PRKX: variants seen among roughly 807,000 people sequenced by gnomAD.
The protein encoded by PRKX is cAMP-dependent protein kinase catalytic subunit PRKX.
Under a neutral mutation model 22.0 loss-of-function variants are expected in PRKX, and 12 were observed. That is an observed-to-expected ratio of 0.54 (90% CI 0.35 to 0.88). PRKX has a LOEUF of 0.88. Ranked by LOEUF, PRKX falls within the 40% of genes least tolerant of loss-of-function variation. The probability of loss-of-function intolerance (pLI) is 0.01; values close to 1 mark genes in which losing one functional copy is unlikely to be tolerated. For missense variants in PRKX, 217 were observed against 308.0 expected, an observed-to-expected ratio of 0.70 and a Z score of 2.21; for synonymous variants, 134 against 137.7, an observed-to-expected ratio of 0.97 and a Z score of 0.19.
chrX:3,656,936 G>A lies in PRKX; in HGVS notation c.336-1524C>T, dbSNP rs182607162. On this transcript the variant is annotated intron_variant, in intron 2 of 8. Transcript: ENST00000262848. ...CATTCCTGAGGGAAGGGCCCTTCTC[G>A]CTGTCCTCCCATGGACCAAGGGGAA... Among the ~76,000 whole-genome samples, 535 of 111,740 alleles carry A rather than the reference G, an allele frequency of 4.8e-3. 5 individuals are homozygous for A. Among genetic ancestry groups the A allele is most frequent in the African/African-American group, 0.014 (446 of 30,765 alleles).
At chrX:3,617,231 TATA>T (rs1417016403) in intron 6 of PRKX, among the ~76,000 whole-genome samples, 2 of 84,649 alleles carry the variant, frequency 2.4e-5, no homozygotes, top group African/African-American at 7.8e-5. Flanking sequence ...ACACATGTAT[TATA>T]TATATATATA....
In PRKX at chrX:3,615,868, G is replaced by A; in HGVS notation, c.898C>T (p.His300Tyr). 8.3e-7 allele frequency: 1 copy of A among 1,208,292 alleles called. No individual in the cohort carries two copies. The highest frequency in any genetic ancestry group is 1.8e-5 in the South Asian group (1 of 56,111). Reference sequence around the variant, plus strand: ...CAGTCCACGGAGCGGAACCACCGATGATGCTTCACATCATTCGCCCCGTTC... The same window carrying A: ...CAGTCCACGGAGCGGAACCACCGATAATGCTTCACATCATTCGCCCCGTTC... ...MKNGANDVKH[H>Y]RWFRSVDWEA... Residue 300 changes from histidine to tyrosine, a missense_variant, in exon 7 of 9, where the codon CAT becomes TAT. By Grantham distance (83) the His-to-Tyr change is moderately conservative. Coordinates refer to ENST00000262848, the MANE Select transcript of PRKX (RefSeq NM_005044.5).
intron 4 of PRKX, among the ~76,000 whole-genome samples, chrX:3,628,611 G>A (rs1347636287): frequency 9.0e-6 from 1 of 111,562 alleles, no homozygotes; most frequent in African/African-American, 3.3e-5. Context: ...TGGTGCATAT[G>A]TGTGGTCCCA....
intron 1 of PRKX, among the ~76,000 whole-genome samples, chrX:3,689,348 T>C (rs6641609): frequency 0.13 from 14,857 of 111,917 alleles, 862 homozygotes; most frequent in East Asian, 0.39. Context: ...GACCTTCTAT[T>C]TTATAGACAG....
At chrX:3,691,550 C>T (rs1424927739) in intron 1 of PRKX, among the ~76,000 whole-genome samples, 1 of 109,658 alleles carries the variant, frequency 9.1e-6, no homozygotes, top group Non-Finnish European at 1.9e-5. Flanking sequence ...GCAGGACTCC[C>T]CCGAATTACC....
At position 3,682,058 on chromosome X, in the gene PRKX, G is replaced by C. The variant is rs1032946315; in HGVS notation, c.167-7292C>G. Among the ~76,000 whole-genome samples the C allele has an allele frequency of 3.9e-4, 43 of 111,496 alleles. 1 individual carries two copies. Among genetic ancestry groups the C allele is most frequent in the Admixed American group, 7.7e-4 (8 of 10,446 alleles). Reference sequence around the variant, plus strand: ...GGGACCGTGACATGGAATTTCACGCGGTCACAAAACGGAAAAGAAACCAAC... The same window carrying C: ...GGGACCGTGACATGGAATTTCACGCCGTCACAAAACGGAAAAGAAACCAAC... On this transcript the variant is annotated intron_variant, in intron 1 of 8. Coordinates refer to ENST00000262848, the MANE Select transcript of PRKX (RefSeq NM_005044.5).
At chrX:3,710,411 G>A (rs1928765869) in intron 1 of PRKX, among the ~76,000 whole-genome samples, 1 of 111,741 alleles carries the variant, frequency 8.9e-6, no homozygotes, top group Non-Finnish European at 1.9e-5. Context: ...TCTCTCTGTC[G>A]CCCAGGCTGG....
rs1304389547 is a variant in PRKX at position 3,663,451 on chromosome X, CACACACACACACACACAAAA to C, written c.336-8059_336-8040del. 6.3e-5 allele frequency among the ~76,000 whole-genome samples: 5 copies of C among 79,020 alleles called. No individual in the cohort carries two copies. In the East Asian group the frequency reaches 1.4e-3, roughly 23 times the overall value. The allele number at this position is 79,020 out of a possible 115,157, so 68.6% of individuals were successfully genotyped here. ...ACACACACACACACACACACACACA[CACACACACACACACACAAAA>C]AAATTCAATTAGCTGGACATAGTGG... On this transcript the variant is annotated intron_variant, in intron 2 of 8. Transcript: ENST00000262848.
intron 1 of PRKX, among the ~76,000 whole-genome samples, chrX:3,687,030 T>C (rs1335832077): frequency 1.8e-5 from 2 of 111,116 alleles, no homozygotes; most frequent in Admixed American, 1.9e-4. Context: ...AATTAATTAA[T>C]TTTTTTTAAG....
At chrX:3,655,088 T>G in intron 3 of PRKX, 61 bp downstream of exon 3, 1 of 1,184,140 alleles carries the variant, frequency 8.4e-7, no homozygotes, top group Non-Finnish European at 1.1e-6. Flanking sequence ...CTGCCACAAC[T>G]ACCACCACCT....
intron 5 of PRKX, among the ~76,000 whole-genome samples, chrX:3,622,802 G>C (rs187887916): frequency 9.1e-6 from 1 of 110,267 alleles, no homozygotes; most frequent in African/African-American, 3.3e-5. Context: ...TACTTAGTGA[G>C]TTTCTCCTTC....
At chrX:3,640,817 C>T (rs1392512666) in intron 4 of PRKX, among the ~76,000 whole-genome samples, 3 of 111,686 alleles carry the variant, frequency 2.7e-5, no homozygotes, top group African/African-American at 9.8e-5. Flanking sequence ...GCAGTAAAGC[C>T]GGCCAAATGC....
In PRKX at chrX:3,655,394, G is replaced by A. The variant is rs1017069094; in HGVS notation, c.354C>T (p.Asp118=). The change falls in exon 3 of 9, where the codon GAC becomes GAT. Residue 118 remains aspartate (D), a synonymous_variant. Coordinates refer to ENST00000262848, the MANE Select transcript of PRKX (RefSeq NM_005044.5). ...FLIRLFWTWH[D]ERFLYMLMEY... ...CCATGAGCATGTAGAGGAAGCGCTC[G>A]TCATGCCACGTCCAGAACCTGCGGG... 1.7e-6 allele frequency: 2 copies of A among 1,210,862 alleles called. No homozygotes were observed. The highest frequency in any genetic ancestry group is 2.2e-5 in the Admixed American group (1 of 45,847).
intron 1 of PRKX, among the ~76,000 whole-genome samples, chrX:3,683,575 G>A (rs1474066596): frequency 8.9e-6 from 1 of 112,145 alleles, no homozygotes; most frequent in Admixed American, 9.5e-5. Context: ...GGTGGCTCAC[G>A]CTTGTAAGTC....
In PRKX at chrX:3,663,828, G is replaced by A. The variant is rs1402048104; in HGVS notation, c.336-8416C>T. Among the ~76,000 whole-genome samples the A allele has an allele frequency of 2.7e-5, 3 of 110,845 alleles. No individual in the cohort carries two copies. In the Admixed American group the frequency reaches 2.9e-4, roughly 11 times the overall value. On this transcript the variant is annotated intron_variant, in intron 2 of 8. Coordinates refer to ENST00000262848, the MANE Select transcript of PRKX (RefSeq NM_005044.5). ...GGAAGAGCAGGAACTCATTTTTGGT[G>A]AGAGGCATCTGAGCAGAAGGCTCAG...
At chrX:3,625,196 T>C (rs1354445008) in intron 5 of PRKX, among the ~76,000 whole-genome samples, 1 of 111,261 alleles carries the variant, frequency 9.0e-6, no homozygotes, top group Non-Finnish European at 1.9e-5. Flanking sequence ...ACACAACACA[T>C]GCTCAAGCCA....
intron 2 of PRKX, among the ~76,000 whole-genome samples, chrX:3,657,377 C>T (rs1927501443): frequency 9.0e-6 from 1 of 111,138 alleles, no homozygotes; most frequent in African/African-American, 3.3e-5. Flanking sequence ...CACAGACACA[C>T]ACAGAGGGAC....
At chrX:3,696,506 C>T (rs781768804) in intron 1 of PRKX, among the ~76,000 whole-genome samples, 6 of 112,104 alleles carry the variant, frequency 5.4e-5, no homozygotes, top group Non-Finnish European at 7.5e-5. Context: ...AGTTTACAAT[C>T]AAGTATTGAA....
intron 1 of PRKX, among the ~76,000 whole-genome samples, chrX:3,686,949 A>G (rs756272710): frequency 4.4e-5 from 5 of 112,478 alleles, no homozygotes; most frequent in African/African-American, 6.5e-5. Flanking sequence ...GGTGTTAAAT[A>G]CATTCACAAT....
Sources: allele counts gnomAD v4.1 joint callset (sites outside exome capture counted in the v4.1 genomes callset), GRCh38; gene constraint gnomAD v4.1.1; transcripts MANE v1.5; gene names NCBI Gene and HGNC (gene_info 2026-07-23, HGNC 2026-07-21).